The following SH3RF2 variants were observed in gnomAD, a reference collection of about 807,000 sequenced individuals.
SH3RF2 encodes the protein E3 ubiquitin-protein ligase SH3RF2.
In SH3RF2, 43 loss-of-function variants were observed where a neutral mutation model predicts 59.0. That is an observed-to-expected ratio of 0.73 (90% confidence interval 0.57 to 0.94). SH3RF2 has a LOEUF of 0.94. Among genes scored for constraint, SH3RF2 ranks in the 40% least tolerant of loss-of-function variants. The probability of loss-of-function intolerance (pLI) is 0.00; values close to 1 mark genes in which losing one functional copy is unlikely to be tolerated. For missense variants in SH3RF2, 930 were observed against 940.1 expected (o/e 0.99, Z 0.14); for synonymous variants, 391 against 391.5 (o/e 1.00, Z 0.01).
Position 146,073,434 on chromosome 5 carries a change from C to A in SH3RF2, c.*34-5026C>A, listed in dbSNP as rs374240446. Among the ~76,000 whole-genome samples the A allele has an allele frequency of 2.0e-4, 31 of 152,324 alleles. No homozygotes were observed. The East Asian group carries it at 4.4e-3, about 22-fold the overall frequency. On this transcript the variant is annotated intron_variant, in intron 9 of 9. Transcript: ENST00000511217. The stretch of plus-strand genomic sequence containing the variant: ...AGGTCTGACACGGACATGCTTCCAG[C>A]TGGCTGGTGATTTCGATAACAACCT...
intron 8 of SH3RF2, among the ~76,000 whole-genome samples, chr5:146,059,178 C>A (rs547234179): frequency 7.2e-5 from 11 of 152,294 alleles, no homozygotes; most frequent in African/African-American, 2.6e-4. Flanking sequence ...GATTCCAGAT[C>A]CTCTGTCATG....
At chr5:145,959,357 G>C (rs1758538039) in intron 2 of SH3RF2, among the ~76,000 whole-genome samples, 1 of 152,116 alleles carries the variant, frequency 6.6e-6, no homozygotes, top group African/African-American at 2.4e-5. Flanking sequence ...TCTTTTAGTT[G>C]CAAGTGACAG....
intron 3 of SH3RF2, among the ~76,000 whole-genome samples, chr5:146,003,342 G>A (rs1461468941): frequency 6.6e-6 from 1 of 152,054 alleles, no homozygotes; most frequent in Non-Finnish European, 1.5e-5. Context: ...ATCTGAACAG[G>A]GATTTCATGG....
At chr5:146,059,430 C>T (rs780637476) in intron 8 of SH3RF2, among the ~76,000 whole-genome samples, 6 of 152,074 alleles carry the variant, frequency 3.9e-5, no homozygotes, top group African/African-American at 9.7e-5. Flanking sequence ...TCATTCTTCT[C>T]GGTTGCCTCT....
intron 7 of SH3RF2, among the ~76,000 whole-genome samples, chr5:146,051,440 G>A (rs1482011128): frequency 6.6e-6 from 1 of 152,210 alleles, no homozygotes; most frequent in Non-Finnish European, 1.5e-5. Flanking sequence ...CATAATCCTG[G>A]GGAGAGGTGA....
chr5:146,032,746 C>T (rs1761785477), intron 5 of SH3RF2, among the ~76,000 whole-genome samples: 1 of 152,228 alleles, frequency 6.6e-6, no homozygotes, highest in Admixed American at 6.5e-5. Context: ...ACATTTCTCT[C>T]TGGTAACACA....
intron 5 of SH3RF2, among the ~76,000 whole-genome samples, chr5:146,015,314 G>T (rs981193238): frequency 1.3e-5 from 2 of 151,950 alleles, no homozygotes; most frequent in African/African-American, 2.4e-5. Flanking sequence ...ACATGCACAC[G>T]CACACACATA....
Position 146,049,034 on chromosome 5 carries a change from C to T in SH3RF2, c.1152-41C>T, listed in dbSNP as rs754146669. On this transcript the variant is annotated intron_variant, in intron 6 of 9. Coordinates refer to ENST00000359120, the MANE Select transcript of SH3RF2 (RefSeq NM_152550.4). ...CCCACTCCATGCCCCCCATCAGGCA[C>T]GTCTTCCTTCCTCCCTCACCAGTTC... 5.5e-5 allele frequency: 89 copies of T among 1,611,024 alleles called. 1 individual carries two copies. In the Middle Eastern group the frequency reaches 1.8e-3, roughly 33 times the overall value.
chr5:146,003,735 GCTTC>G (rs1316186257), intron 3 of SH3RF2, among the ~76,000 whole-genome samples: 1 of 152,086 alleles, frequency 6.6e-6, no homozygotes, highest in Admixed American at 6.5e-5. Flanking sequence ...TCTCCCTATG[GCTTC>G]CATCTTGATT....
At position 145,945,908 on chromosome 5, in the gene SH3RF2, G is replaced by A. The variant is rs184509696; in HGVS notation, c.378+7602G>A. On this transcript the variant is annotated intron_variant, in intron 2 of 9. Coordinates refer to ENST00000359120, the MANE Select transcript of SH3RF2 (RefSeq NM_152550.4). ...TTATCTCTACTCCAAGCAGGTGACCGAGCTTACTGGGTAACTGAGGAGCAG... is the reference window on the plus strand; with the variant it reads ...TTATCTCTACTCCAAGCAGGTGACCAAGCTTACTGGGTAACTGAGGAGCAG... Among the ~76,000 whole-genome samples the A allele has an allele frequency of 4.6e-5, 7 of 152,294 alleles. No homozygotes were observed. The East Asian group carries it at 7.7e-4, about 17-fold the overall frequency.
At position 146,062,776 on chromosome 5, in the gene SH3RF2, C is replaced by T; in HGVS notation, c.*75C>T. 6.5e-7 allele frequency: 1 copy of T among 1,529,624 alleles called. No homozygotes were observed. Among genetic ancestry groups the T allele is most frequent in the Non-Finnish European group, 8.8e-7 (1 of 1,135,404 alleles). The allele number at this position is 1,529,624 out of a possible 1,614,324, so 94.8% of individuals were successfully genotyped here. A position where few individuals can be genotyped will look rare whatever the true frequency, so the allele number is the denominator to read the frequency against. On this transcript the variant is annotated 3_prime_UTR_variant, in exon 10 of 10. Coordinates refer to ENST00000359120, the MANE Select transcript of SH3RF2 (RefSeq NM_152550.4). ...TACAGTCTGCCTCCACTGAGGGCAT[C>T]CTGCCATTCTTTGGGGACTTGAGCA...
intron 2 of SH3RF2, among the ~76,000 whole-genome samples, chr5:145,940,793 G>A (rs1309865182): frequency 2.6e-5 from 4 of 152,178 alleles, no homozygotes; most frequent in African/African-American, 9.7e-5. Flanking sequence ...AAGATGTCAT[G>A]TATAAAAACA....
At chr5:145,964,230 TTTC>T (rs1561713022) in intron 2 of SH3RF2, among the ~76,000 whole-genome samples, 1 of 151,456 alleles carries the variant, frequency 6.6e-6, no homozygotes, top group African/African-American at 2.4e-5. Context: ...CCTTCTTTCT[TTTC>T]TTTCTTTCTT....
At chr5:145,965,742 G>T (rs1580784433) in intron 2 of SH3RF2, among the ~76,000 whole-genome samples, 1 of 152,194 alleles carries the variant, frequency 6.6e-6, no homozygotes, top group Admixed American at 6.5e-5. Context: ...TGGGTATATA[G>T]TGCAGAAAAC....
intron 2 of SH3RF2, among the ~76,000 whole-genome samples, chr5:145,965,962 A>T (rs1256039045): frequency 6.6e-6 from 1 of 152,194 alleles, no homozygotes; most frequent in African/African-American, 2.4e-5. Flanking sequence ...GAACGAGCCA[A>T]CCAAAGAGTT....
chr5:145,995,235 C>T (rs754986022), intron 2 of SH3RF2, among the ~76,000 whole-genome samples: 7 of 152,118 alleles, frequency 4.6e-5, no homozygotes, highest in Admixed American at 1.3e-4. Context: ...AAACTCCGGA[C>T]GGATGCTTCC....
rs768978208 is a variant in SH3RF2, at chr5:146,060,140, G to A, written c.1830G>A (p.Lys610=). The A allele has an allele frequency of 1.1e-5, 17 of 1,614,048 alleles. No homozygotes were observed. In the South Asian group the frequency reaches 1.9e-4, roughly 18 times the overall value. Residue 610 remains lysine, a synonymous_variant, in exon 9 of 10, where the codon AAG becomes AAA. Transcript: ENST00000359120. ...TGGAAGACAAAGAAATCCCCATCAA[G>A]AGTGAGCCTCTGCCAAAACCGCCCG... ...LIMEDKEIPI[K]SEPLPKPPAS...
At chr5:145,971,384 AG>A (rs2149961991) in intron 2 of SH3RF2, among the ~76,000 whole-genome samples, 1 of 152,340 alleles carries the variant, frequency 6.6e-6, no homozygotes, top group East Asian at 1.9e-4. Context: ...TGAGGAAAAA[AG>A]AGAAGGGACC....
intron 8 of SH3RF2, 137 bp from the exon 9 acceptor site, chr5:146,059,729 C>T: frequency 8.6e-6 from 5 of 582,842 alleles, no homozygotes; most frequent in Non-Finnish European, 1.4e-5. Context: ...TTGAAAGACC[C>T]GGAGAGAATG....
Sources: gnomAD v4.1 joint callset for allele counts (sites outside exome capture counted in the v4.1 genomes callset) on GRCh38, gnomAD v4.1.1 for gene constraint, MANE v1.5 for transcripts, NCBI Gene and HGNC (gene_info 2026-07-23, HGNC 2026-07-21) for gene names.